Variants in CDC73 observed in about 807,000 individuals in gnomAD.
CDC73 encodes the protein cell division cycle 73.
CDC73 carries 21 observed loss-of-function variants against 83.7 expected under a neutral mutation model. The observed-to-expected ratio is 0.25, with a 90% CI of 0.18 to 0.36. The LOEUF (loss-of-function observed/expected upper bound fraction) is 0.36, where lower values mean the gene tolerates loss of function less well. CDC73 is among the 10% of genes least tolerant of loss of function. CDC73 has a pLI of 1.00. For synonymous variants in CDC73, 224 were observed against 212.9 expected, an observed-to-expected ratio of 1.05 and a Z score of -0.45; for missense variants, 342 against 653.3, an observed-to-expected ratio of 0.52 and a Z score of 5.19.
chr1:193,174,888 T>G (rs771616722), intron 10 of CDC73, among the ~76,000 whole-genome samples: 6 of 152,204 alleles, frequency 3.9e-5, no homozygotes, highest in Non-Finnish European at 5.9e-5. Context: ...CTGTAAAACA[T>G]TTTCCTTTAA....
In CDC73 at chr1:193,129,623, C is replaced by T. The variant is rs980590215; in HGVS notation, c.238-551C>T. Among the ~76,000 whole-genome samples, 3 of 151,874 alleles carry T rather than the reference C, an allele frequency of 2.0e-5. No homozygotes were observed. The East Asian group carries it at 5.8e-4, about 29-fold the overall frequency. ...CGCCTCCTGGGTTCCAGTGATTCTC[C>T]TGCCTCAGCTTCCTGAGCAGCTGGG... On this transcript the variant is annotated intron_variant, in intron 2 of 16. Transcript: ENST00000367435.
chr1:193,150,391 C>T lies in CDC73; in HGVS notation c.907+9C>T. ...ATTCAAAGGAAAAGAAGGCAAGTTG[C>T]TTAATTCTTATCTTCCCCTTAGTGT... On this transcript the variant is annotated intron_variant, in intron 9 of 16. Transcript: ENST00000367435. The T allele has an allele frequency of 6.4e-7, 1 of 1,571,466 alleles. No homozygotes were observed. The highest frequency in any genetic ancestry group is 8.8e-7 in the Non-Finnish European group (1 of 1,141,028).
At chr1:193,154,026 G>A (rs1328902795) in intron 10 of CDC73, among the ~76,000 whole-genome samples, 1 of 152,150 alleles carries the variant, frequency 6.6e-6, no homozygotes, top group South Asian at 2.1e-4. Flanking sequence ...CATCTTATGC[G>A]ATCTGCCTGG....
chr1:193,174,536 G>A (rs947673431), intron 10 of CDC73, among the ~76,000 whole-genome samples: 5 of 152,056 alleles, frequency 3.3e-5, no homozygotes, highest in African/African-American at 1.2e-4. Context: ...TTTCATATGG[G>A]TGTAGAGTGG....
At chr1:193,179,310 A>T (rs1183898306) in intron 10 of CDC73, 6 of 152,224 alleles carry the variant, frequency 3.9e-5, no homozygotes, top group Non-Finnish European at 7.3e-5. Context: ...AACTTCCCGT[A>T]TGTTGCATTT....
At chr1:193,163,470 A>G (rs1676377876) in intron 10 of CDC73, among the ~76,000 whole-genome samples, 1 of 152,056 alleles carries the variant, frequency 6.6e-6, no homozygotes, top group Non-Finnish European at 1.5e-5. Flanking sequence ...TTGCGCCACC[A>G]CACTCCAGCG....
Position 193,150,293 on chromosome 1 carries a change from T to C in CDC73, c.829-11T>C, listed in dbSNP as rs1246694634. 2 of 1,579,412 alleles carry C rather than the reference T, an allele frequency of 1.3e-6. No individual in the cohort carries two copies. Among genetic ancestry groups the C allele is most frequent in the Admixed American group, 1.7e-5 (1 of 59,956 alleles). ...ATATTAACAAGTAACTCATAATTAATTTTTTTACAGGATCCCACTTTGCGC... is the reference window on the plus strand; with the variant it reads ...ATATTAACAAGTAACTCATAATTAACTTTTTTACAGGATCCCACTTTGCGC... On this transcript the variant is annotated splice_polypyrimidine_tract_variant and intron_variant, in intron 8 of 16. Transcript: ENST00000367435.
At chr1:193,140,676 A>G (rs964720240) in intron 6 of CDC73, among the ~76,000 whole-genome samples, 1 of 152,236 alleles carries the variant, frequency 6.6e-6, no homozygotes, top group South Asian at 2.1e-4. Context: ...GTATGGATAC[A>G]TTGGACAAAG....
intron 10 of CDC73, 101 bp from the exon 11 acceptor site, chr1:193,203,694 A>G (rs1677129716): frequency 4.1e-6 from 4 of 973,176 alleles, no homozygotes; most frequent in East Asian, 2.6e-5. Context: ...TGAGAAAAAC[A>G]GAACAAGAGA....
At chr1:193,165,410 T>C (rs1676419499) in intron 10 of CDC73, among the ~76,000 whole-genome samples, 1 of 152,158 alleles carries the variant, frequency 6.6e-6, no homozygotes, top group South Asian at 2.1e-4. Context: ...AAAGTACAAA[T>C]AGAGAAGTAT....
chr1:193,202,404 C>CT (rs888499095), intron 10 of CDC73, among the ~76,000 whole-genome samples: 56 of 148,542 alleles, frequency 3.8e-4, no homozygotes, highest in South Asian at 1.1e-3. Context: ...TTATGACTCA[C>CT]TTTTTTTTTT....
intron 13 of CDC73, among the ~76,000 whole-genome samples, chr1:193,220,715 A>G (rs1677454117): frequency 6.6e-6 from 1 of 152,146 alleles, no homozygotes; most frequent in Non-Finnish European, 1.5e-5. Flanking sequence ...CTGTTTTTTC[A>G]TTAATAGTGT....
At chr1:193,217,666 T>C (rs567014204) in intron 13 of CDC73, among the ~76,000 whole-genome samples, 1 of 152,236 alleles carries the variant, frequency 6.6e-6, no homozygotes, top group South Asian at 2.1e-4. Context: ...GTGTGCCCAC[T>C]AGGGTCTTGG....
chr1:193,169,812 C>CTTTTA (rs546659116), intron 10 of CDC73, among the ~76,000 whole-genome samples: 1,852 of 149,502 alleles, frequency 0.012, 18 homozygotes, highest in South Asian at 0.034. Flanking sequence ...TTTTTTTTAA[C>CTTTTA]TTTTAAGTTC....
chr1:193,205,355 TA>T (rs1051722069), intron 11 of CDC73, among the ~76,000 whole-genome samples: 11 of 152,092 alleles, frequency 7.2e-5, no homozygotes, highest in African/African-American at 2.7e-4. Context: ...TCATTCATAG[TA>T]TGTACACAGG....
intron 5 of CDC73, chr1:193,136,677 G>A (rs888389862): frequency 1.8e-5 from 3 of 170,892 alleles, no homozygotes; most frequent in African/African-American, 4.8e-5. Context: ...TATAAATTTT[G>A]TGGCAGTAAA....
chr1:193,252,602 T>C lies in CDC73; in HGVS notation c.*1890T>C. On this transcript the variant is annotated 3_prime_UTR_variant, in exon 17 of 17. Transcript: ENST00000367435. ...TTATGGAAATACTGTAAAGGAACAT[T>C]AGGAAAAGGACAAATAGGCTATAAC... is the stretch of plus-strand genomic sequence containing the variant. 2 of 231,386 alleles carry C rather than the reference T, an allele frequency of 8.6e-6. No homozygotes were observed. Among genetic ancestry groups the C allele is most frequent in the Non-Finnish European group, 1.7e-5 (2 of 116,828 alleles). 14.3% of individuals were successfully genotyped at this position (231,386 alleles called of 1,614,324 possible). A position where few individuals can be genotyped will look rare whatever the true frequency, so the allele number is the denominator to read the frequency against.
intron 10 of CDC73, among the ~76,000 whole-genome samples, chr1:193,170,563 T>G (rs928984923): frequency 6.6e-6 from 1 of 152,218 alleles, no homozygotes; most frequent in African/African-American, 2.4e-5. Context: ...CATATGATTG[T>G]TGGTGATGTA....
chr1:193,185,382 C>G (rs10801187), intron 10 of CDC73, among the ~76,000 whole-genome samples: 1 of 151,746 alleles, frequency 6.6e-6, no homozygotes, highest in Admixed American at 6.6e-5. Flanking sequence ...CATAAACTCA[C>G]ACTACCTTAT....
Sources: gnomAD v4.1 joint callset for allele counts (sites outside exome capture counted in the v4.1 genomes callset) on GRCh38, gnomAD v4.1.1 for gene constraint, MANE v1.5 for transcripts, NCBI Gene and HGNC (gene_info 2026-07-23, HGNC 2026-07-21) for gene names.